SYNDIG1L: variants seen among roughly 807,000 people sequenced by gnomAD.
The protein encoded by SYNDIG1L is synapse differentiation-inducing gene protein 1-like.
SYNDIG1L carries 13 observed loss-of-function variants against 20.1 expected under a neutral mutation model. That is an observed-to-expected ratio of 0.65 (90% CI 0.42 to 1.03). The LOEUF (loss-of-function observed/expected upper bound fraction) is 1.03. Ranked by LOEUF, SYNDIG1L falls within the 50% of genes least tolerant of loss-of-function variation. SYNDIG1L has a pLI of 0.00. For missense variants in SYNDIG1L, 294 were observed against 305.1 expected, an observed-to-expected ratio of 0.96 and a Z score of 0.27; for synonymous variants, 128 against 129.3, an observed-to-expected ratio of 0.99 and a Z score of 0.07.
chr14:74,440,316 C>A, the SYNDIG1L span, among the ~76,000 whole-genome samples: 1 of 152,130 alleles, frequency 6.6e-6, no homozygotes, highest in Non-Finnish European at 1.5e-5. Context: ...GAGACCGAGA[C>A]CATCCTGGCT....
intron 1 of SYNDIG1L, among the ~76,000 whole-genome samples, chr14:74,423,234 T>G (rs1261171505): frequency 1.3e-5 from 2 of 152,168 alleles, no homozygotes; most frequent in African/African-American, 2.4e-5. Flanking sequence ...GTCATCTGCC[T>G]GGGTGACCAG....
chr14:74,455,705 C>T, the SYNDIG1L span, among the ~76,000 whole-genome samples: 3 of 152,222 alleles, frequency 2.0e-5, no homozygotes, highest in Admixed American at 1.3e-4. Flanking sequence ...AGGCGTGAGC[C>T]GCAGTGCCCA....
At chr14:74,454,149 T>C in the SYNDIG1L span, among the ~76,000 whole-genome samples, 1 of 152,240 alleles carries the variant, frequency 6.6e-6, no homozygotes, top group African/African-American at 2.4e-5. Context: ...GAAGCCTATG[T>C]TCTTTACAGA....
At chr14:74,477,519 G>T in the SYNDIG1L span, among the ~76,000 whole-genome samples, 2 of 148,490 alleles carry the variant, frequency 1.3e-5, no homozygotes, top group South Asian at 2.1e-4. Context: ...AAGACTTTGT[G>T]TTAAAAAAAA....
upstream of SYNDIG1L, among the ~76,000 whole-genome samples, chr14:74,426,260 G>C (rs553559406): frequency 2.0e-3 from 297 of 152,032 alleles, 6 homozygotes; most frequent in Admixed American, 0.019. Context: ...CGCCGCCGCC[G>C]CCTCCCTCTC....
At chr14:74,433,406 C>T in the SYNDIG1L span, among the ~76,000 whole-genome samples, 3 of 150,594 alleles carry the variant, frequency 2.0e-5, no homozygotes, top group Admixed American at 1.3e-4. Context: ...TTTTTTGAGA[C>T]GGAGTCTTGC....
chr14:74,451,773 C>A, the SYNDIG1L span, among the ~76,000 whole-genome samples: 1 of 151,934 alleles, frequency 6.6e-6, no homozygotes, highest in Non-Finnish European at 1.5e-5. Context: ...GGGTGGATCA[C>A]GAGGTCAGGA....
At position 74,407,911 on chromosome 14, in the gene SYNDIG1L, G is replaced by C. The variant is rs756432735; in HGVS notation, c.496C>G (p.Leu166Val). 3.1e-6 allele frequency: 5 copies of C among 1,613,918 alleles called. No individual in the cohort carries two copies. The Admixed American group carries it at 5.0e-5, about 16-fold the overall frequency. The change falls in exon 3 of 4, where the codon CTC becomes GTC. Residue 166 changes from leucine to valine, a missense_variant. Leu to Val is a conservative substitution (Grantham distance 32). Transcript: ENST00000331628. Reference sequence around the variant, plus strand: ...CAGAAGCAGCAGAGCATGGAGAAGAGAGTAAGTCCCAGGTGGTCCCTGGGA... The same window carrying C: ...CAGAAGCAGCAGAGCATGGAGAAGACAGTAAGTCCCAGGTGGTCCCTGGGA... ...LPPRDHLGLTLFSMLCCFWPL... is the reference protein window; with the variant it reads ...LPPRDHLGLTVFSMLCCFWPL...
rs113638305 is a variant in SYNDIG1L at position 74,414,974 on chromosome 14, C to T, written c.-57-5173G>A. Among the ~76,000 whole-genome samples, 432 of 152,256 alleles carry T rather than the reference C, an allele frequency of 2.8e-3. 5 individuals carry two copies. The highest frequency in any genetic ancestry group is 0.01 in the Middle Eastern group (3 of 294). Reference sequence around the variant, plus strand: ...GGAAAGAGAAACACAGGGAGGCCAGCCTGACACTTGACACTGCGTTTCCCT... The same window carrying T: ...GGAAAGAGAAACACAGGGAGGCCAGTCTGACACTTGACACTGCGTTTCCCT... On this transcript the variant is annotated intron_variant, in intron 1 of 3. Coordinates refer to ENST00000331628, the MANE Select transcript of SYNDIG1L (RefSeq NM_001105579.2).
At chr14:74,447,462 C>T in the SYNDIG1L span, among the ~76,000 whole-genome samples, 1 of 152,060 alleles carries the variant, frequency 6.6e-6, no homozygotes, top group East Asian at 1.9e-4. Context: ...TGGCGCACGC[C>T]TGTAATCCCA....
chr14:74,409,840 GCA>G, intron 1 of SYNDIG1L, 39 bp from the exon 2 acceptor site: 1 of 1,316,466 alleles, frequency 7.6e-7, no homozygotes, highest in East Asian at 2.8e-5. Flanking sequence ...TGAGGCCAGG[GCA>G]CTGGAGGCAG....
intron 1 of SYNDIG1L, among the ~76,000 whole-genome samples, chr14:74,420,407 A>AT (rs2086212446): frequency 2.0e-5 from 3 of 151,384 alleles, no homozygotes; most frequent in Non-Finnish European, 4.4e-5. Context: ...AAAAAAAAAA[A>AT]ATGCAGGCAG....
chr14:74,445,879 A>G, the SYNDIG1L span, among the ~76,000 whole-genome samples: 5 of 152,214 alleles, frequency 3.3e-5, no homozygotes, highest in Non-Finnish European at 5.9e-5. Context: ...AAACTATTTT[A>G]CAATCATTGT....
rs2086088491 is a variant in SYNDIG1L, at chr14:74,407,063, G to T, written c.*472C>A. On this transcript the variant is annotated 3_prime_UTR_variant, in exon 4 of 4. Transcript: ENST00000331628. ...ATGGGGCCAGACAGTGGAGTTGGGGGAAGCTCAGGCTGTCCCCAGGTGAAG... is the reference window on the plus strand; with the variant it reads ...ATGGGGCCAGACAGTGGAGTTGGGGTAAGCTCAGGCTGTCCCCAGGTGAAG... 1 of 176,174 alleles carries T rather than the reference G, an allele frequency of 5.7e-6. No homozygotes were observed. Among genetic ancestry groups the T allele is most frequent in the Non-Finnish European group, 1.2e-5 (1 of 82,272 alleles). 10.9% of individuals were successfully genotyped at this position (176,174 alleles called of 1,614,324 possible).
At chr14:74,477,039 AACACACACACACACACAC>A in the SYNDIG1L span, among the ~76,000 whole-genome samples, 87 of 97,070 alleles carry the variant, frequency 9.0e-4, 2 homozygotes, top group Non-Finnish European at 5.3e-4. Flanking sequence ...CCCCATTCCC[AACACACACACACACACAC>A]ACACACACAC....
chr14:74,409,925 T>G, intron 1 of SYNDIG1L, 124 bp from the exon 2 acceptor site: 1 of 715,668 alleles, frequency 1.4e-6, no homozygotes, highest in Non-Finnish European at 2.0e-6. Context: ...CTTTGCAAGA[T>G]GCAGGACCTG....
At chr14:74,430,307 C>G (rs566538129), upstream of SYNDIG1L, among the ~76,000 whole-genome samples, 8 of 152,262 alleles carry the variant, frequency 5.3e-5, no homozygotes, top group African/African-American at 1.9e-4. Context: ...TTTGCTGGAG[C>G]AAGGATGAGT....
chr14:74,405,941 T>C lies in SYNDIG1L; in HGVS notation c.*1594A>G. 2.5e-6 allele frequency: 1 copy of C among 398,672 alleles called. No individual in the cohort carries two copies. The highest frequency in any genetic ancestry group is 1.3e-4 in the South Asian group (1 of 7,858). 24.7% of individuals were successfully genotyped at this position (398,672 alleles called of 1,614,324 possible). A position where few individuals can be genotyped will look rare whatever the true frequency, so the allele number is the denominator to read the frequency against. On this transcript the variant is annotated 3_prime_UTR_variant, in exon 4 of 4. Coordinates refer to ENST00000331628, the MANE Select transcript of SYNDIG1L (RefSeq NM_001105579.2). ...TTACAAGGATAAATCAGTACAATAA[T>C]GGGACCTTAAAACTGCTGTGATGCA...
At chr14:74,411,230 T>C (rs539219528) in intron 1 of SYNDIG1L, among the ~76,000 whole-genome samples, 1 of 152,296 alleles carries the variant, frequency 6.6e-6, no homozygotes, top group East Asian at 1.9e-4. Flanking sequence ...ATCTGTAAGG[T>C]GTGGATGGTA....
Sources: gnomAD v4.1 joint callset for allele counts (sites outside exome capture counted in the v4.1 genomes callset) on GRCh38, gnomAD v4.1.1 for gene constraint, MANE v1.5 for transcripts, NCBI Gene and HGNC (gene_info 2026-07-23, HGNC 2026-07-21) for gene names.